Variants in CLN6 observed in about 807,000 individuals in gnomAD.
CLN6 encodes the protein ceroid-lipofuscinosis neuronal protein 6.
CLN6 carries 22 observed loss-of-function variants against 33.3 expected under a neutral mutation model. That is an observed-to-expected ratio of 0.66 (90% CI 0.47 to 0.94). The LOEUF (loss-of-function observed/expected upper bound fraction) is 0.94, where lower values mean the gene tolerates loss of function less well. Ranked by LOEUF, CLN6 falls within the 40% of genes least tolerant of loss-of-function variation. The pLI is 0.00. For synonymous variants in CLN6, 201 were observed against 174.6 expected, an observed-to-expected ratio of 1.15 and a Z score of -1.19; for missense variants, 387 against 417.1, an observed-to-expected ratio of 0.93 and a Z score of 0.63.
chr15:68,211,927 C>T lies in CLN6; in HGVS notation c.298-64G>A. On this transcript the variant is annotated intron_variant, in intron 3 of 6. Coordinates refer to ENST00000249806, the MANE Select transcript of CLN6 (RefSeq NM_017882.3). This position sits in a 1 kb window ranked among gnomAD's most constrained non-coding sequence, Gnocchi z 5.9. Reference sequence around the variant, plus strand: ...CTGTCACAGTATGTGACACCCTCTGCTTCCCCCCTCACACCTGGGGTGGGA... The same window carrying T: ...CTGTCACAGTATGTGACACCCTCTGTTTCCCCCCTCACACCTGGGGTGGGA... 6.5e-7 allele frequency: 1 copy of T among 1,530,650 alleles called. No homozygotes were observed. The highest frequency in any genetic ancestry group is 9.0e-7 in the Non-Finnish European group (1 of 1,112,994). 94.8% of individuals were successfully genotyped at this position (1,530,650 alleles called of 1,614,324 possible).
chr15:68,235,705 A>G (rs1892214613), intron 1 of CLN6, among the ~76,000 whole-genome samples: 1 of 151,826 alleles, frequency 6.6e-6, no homozygotes, highest in African/African-American at 2.4e-5. Flanking sequence ...ACAGAGGCTA[A>G]CATAGCTCTG....
chr15:68,254,510 A>C (rs1318005748), intron 1 of CLN6: 2 of 367,662 alleles, frequency 5.4e-6, no homozygotes, highest in Non-Finnish European at 1.0e-5. Flanking sequence ...ATAAATTTTA[A>C]TGTTGATTAC....
At chr15:68,216,632 T>C (rs1222199447) in intron 2 of CLN6, among the ~76,000 whole-genome samples, 5 of 152,236 alleles carry the variant, frequency 3.3e-5, no homozygotes, top group African/African-American at 1.2e-4. Context: ...ATAGTATCCA[T>C]AATTTCTGCT....
At chr15:68,214,241 G>A (rs1023750698) in intron 3 of CLN6, 49 bp downstream of exon 3, 1 of 1,367,094 alleles carries the variant, frequency 7.3e-7, no homozygotes, top group Non-Finnish European at 1.0e-6. Flanking sequence ...CCTGCCAGGT[G>A]TGCAAAGAAT....
rs949403836 is a variant in CLN6 at position 68,211,765 on chromosome 15, A to C, written c.396T>G (p.Ser132=). 1.9e-6 allele frequency: 3 copies of C among 1,613,872 alleles called. No homozygotes were observed. The highest frequency in any genetic ancestry group is 2.2e-5 in the South Asian group (2 of 91,076). Residue 132 remains serine, a synonymous_variant, in exon 4 of 7, where the codon TCT becomes TCG. Transcript: ENST00000249806. This position sits in a 1 kb window ranked among gnomAD's most constrained non-coding sequence, Gnocchi z 5.9. ...CACTGAAGAGCAGGCGGTGGTTGACAGAGTCACCCACCAGGTGGATGCTGG... is the reference window on the plus strand; with the variant it reads ...CACTGAAGAGCAGGCGGTGGTTGACCGAGTCACCCACCAGGTGGATGCTGG... ...MGASIHLVGD[S]VNHRLLFSGY... is the part of the protein sequence containing the mutation.
At chr15:68,253,822 A>G (rs1892404968) in intron 1 of CLN6, among the ~76,000 whole-genome samples, 2 of 144,128 alleles carry the variant, frequency 1.4e-5, no homozygotes, top group Non-Finnish European at 3.1e-5. Context: ...TCTCAAGTAA[A>G]CTAAACAATA....
At chr15:68,218,352 C>G (rs975773505) in intron 2 of CLN6, 184 bp downstream of exon 2, 8 of 555,214 alleles carry the variant, frequency 1.4e-5, no homozygotes, top group African/African-American at 1.3e-4. Flanking sequence ...TCAGGCCCCC[C>G]ACTTGCTGGC....
rs2093202307 is a variant in CLN6, at chr15:68,210,661, T to C, written c.542+602A>G. Among the ~76,000 whole-genome samples the C allele has an allele frequency of 6.6e-6, 1 of 152,158 alleles. No homozygotes were observed. The highest frequency in any genetic ancestry group is 1.5e-5 in the Non-Finnish European group (1 of 67,996). Reference sequence around the variant, plus strand: ...GTGGAACAGATGAAGCCTCCCAGCCTGGGCCCGGGATCTCCTGAGGCTGAG... The same window carrying C: ...GTGGAACAGATGAAGCCTCCCAGCCCGGGCCCGGGATCTCCTGAGGCTGAG... On this transcript the variant is annotated intron_variant, in intron 5 of 6. Transcript: ENST00000249806. The surrounding 1 kb of genome is among the most constrained non-coding windows in gnomAD (Gnocchi z 5.6).
intron 1 of CLN6, among the ~76,000 whole-genome samples, chr15:68,222,364 C>G (rs2093239651): frequency 6.8e-6 from 1 of 147,672 alleles, no homozygotes; most frequent in African/African-American, 2.5e-5. Flanking sequence ...GCGCCTCTGC[C>G]CGGCCGCCCC....
intron 1 of CLN6, among the ~76,000 whole-genome samples, chr15:68,255,097 G>C (rs1006819309): frequency 1.3e-5 from 2 of 152,186 alleles, no homozygotes; most frequent in Non-Finnish European, 2.9e-5. Flanking sequence ...CCGAAGCTAG[G>C]TTGATGTGGG....
rs2093205148 is a variant in CLN6 at position 68,211,539 on chromosome 15, G to A, written c.486+136C>T. The stretch of plus-strand genomic sequence containing the variant: ...CACTTGAGCATCCTAGCTTGGGGCA[G>A]GCGACAGTGCCCTCACCTAGCAGAA... On this transcript the variant is annotated intron_variant, in intron 4 of 6. Coordinates refer to ENST00000249806, the MANE Select transcript of CLN6 (RefSeq NM_017882.3). The surrounding 1 kb of genome is among the most constrained non-coding windows in gnomAD (Gnocchi z 5.9). The A allele has an allele frequency of 1.9e-6, 3 of 1,596,030 alleles. No homozygotes were observed. Among genetic ancestry groups the A allele is most frequent in the African/African-American group, 1.3e-5 (1 of 74,832 alleles).
intron 1 of CLN6, among the ~76,000 whole-genome samples, chr15:68,225,288 A>T (rs1335905217): frequency 1.3e-5 from 2 of 152,272 alleles, no homozygotes; most frequent in African/African-American, 4.8e-5. Flanking sequence ...TTTATTAAAT[A>T]CATGGCTTAA....
chr15:68,226,722 C>T (rs1444469579), intron 1 of CLN6, among the ~76,000 whole-genome samples: 4 of 152,178 alleles, frequency 2.6e-5, no homozygotes, highest in Non-Finnish European at 5.9e-5. Context: ...ATCTCGGCCT[C>T]CCAAAGTGCT....
In CLN6 at chr15:68,252,114, A is replaced by G. The variant is rs191204596; in HGVS notation, c.179+4576T>C. ...TCAGCCTCCCGAGTAGCTGGGATGT[A>G]CAGGCAGGCACCACCACGCCCAGCT... On this transcript the variant is annotated intron_variant, in intron 1 of 6. Coordinates refer to the CLN6 transcript ENST00000538696. 2.7e-3 allele frequency among the ~76,000 whole-genome samples: 415 copies of G among 151,690 alleles called. 1 individual carries two copies. The highest frequency in any genetic ancestry group is 8.0e-3 in the African/African-American group (332 of 41,350).
At chr15:68,232,997 C>T (rs959466879), upstream of CLN6, among the ~76,000 whole-genome samples, 6 of 152,188 alleles carry the variant, frequency 3.9e-5, no homozygotes, top group African/African-American at 1.4e-4. This position sits in a 1 kb window ranked among gnomAD's most constrained non-coding sequence, Gnocchi z 4.7. Flanking sequence ...GAGCCGAGAT[C>T]ACGCCACTGC....
rs150528709 is a variant in CLN6 at position 68,220,999 on chromosome 15, TTTATTATTATTATTATTA to T, written c.84-2367_84-2350del. ...TGCCACTATGCCCAGCTAATTTTAT[TTTATTATTATTATTATTA>T]TTATTATTATTTTTTGTAGAGATGA... On this transcript the variant is annotated intron_variant, in intron 1 of 6. Coordinates refer to ENST00000249806, the MANE Select transcript of CLN6 (RefSeq NM_017882.3). The surrounding 1 kb of genome is among the most constrained non-coding windows in gnomAD (Gnocchi z 4.2). Among the ~76,000 whole-genome samples the T allele has an allele frequency of 2.1e-5, 3 of 146,114 alleles. No individual in the cohort carries two copies. The highest frequency in any genetic ancestry group is 3.0e-5 in the Non-Finnish European group (2 of 66,396).
intron 2 of CLN6, 58 bp from the exon 3 acceptor site, chr15:68,214,446 C>A: frequency 7.5e-7 from 1 of 1,329,148 alleles, no homozygotes; most frequent in Non-Finnish European, 1.1e-6. Flanking sequence ...GGCCCTCGGG[C>A]CTCAAGGGAG....
In CLN6 at chr15:68,220,534, T is replaced by C. The variant is rs1394712013; in HGVS notation, c.84-1884A>G. Among the ~76,000 whole-genome samples, 3 of 152,244 alleles carry C rather than the reference T, an allele frequency of 2.0e-5. No homozygotes were observed. The highest frequency in any genetic ancestry group is 7.2e-5 in the African/African-American group (3 of 41,472). On this transcript the variant is annotated intron_variant, in intron 1 of 6. Transcript: ENST00000249806. This position sits in a 1 kb window ranked among gnomAD's most constrained non-coding sequence, Gnocchi z 4.2. Reference sequence around the variant, plus strand: ...AGCTCCTTCCTTTATAGTGCTGGGTTCTAAGGGTGCAAGCCCAGGACTGCC... The same window carrying C: ...AGCTCCTTCCTTTATAGTGCTGGGTCCTAAGGGTGCAAGCCCAGGACTGCC...
rs1044346658 is a variant in CLN6, at chr15:68,219,742, A to G, written c.84-1092T>C. ...GTTCTCCCAACTCACCCACCTCCCTATCAGAGTCCAAATCCTCTTTACAGA... is the reference window on the plus strand; with the variant it reads ...GTTCTCCCAACTCACCCACCTCCCTGTCAGAGTCCAAATCCTCTTTACAGA... On this transcript the variant is annotated intron_variant, in intron 1 of 6. Coordinates refer to ENST00000249806, the MANE Select transcript of CLN6 (RefSeq NM_017882.3). This position sits in a 1 kb window ranked among gnomAD's most constrained non-coding sequence, Gnocchi z 4.2. Among the ~76,000 whole-genome samples the G allele has an allele frequency of 6.6e-6, 1 of 152,024 alleles. No homozygotes were observed. Among genetic ancestry groups the G allele is most frequent in the African/African-American group, 2.4e-5 (1 of 41,388 alleles).
Sources: allele counts gnomAD v4.1 joint callset (sites outside exome capture counted in the v4.1 genomes callset), GRCh38; gene constraint gnomAD v4.1.1; non-coding constraint Gnocchi (gnomAD v3.1); transcripts MANE v1.5; gene names NCBI Gene and HGNC (gene_info 2026-07-23, HGNC 2026-07-21).